The following ZDHHC19 variants were observed in gnomAD, a reference collection of about 807,000 sequenced individuals.
ZDHHC19 encodes the protein palmitoyltransferase ZDHHC19.
Under a neutral mutation model 33.9 loss-of-function variants are expected in ZDHHC19, and 30 were observed. The observed-to-expected ratio is 0.88, with a 90% CI of 0.66 to 1.20. ZDHHC19 has a LOEUF of 1.20. Among genes scored for constraint, ZDHHC19 ranks in the 50% most tolerant of loss-of-function variants. The pLI is 0.00. For synonymous variants in ZDHHC19, 178 were observed against 167.6 expected, an observed-to-expected ratio of 1.06 and a Z score of -0.48; for missense variants, 364 against 401.1, an observed-to-expected ratio of 0.91 and a Z score of 0.79.
intron 5 of ZDHHC19, among the ~76,000 whole-genome samples, chr3:196,205,894 G>A (rs969872930): frequency 1.3e-5 from 2 of 150,932 alleles, no homozygotes; most frequent in African/African-American, 4.9e-5. Context: ...TCCTGACCTG[G>A]CCTCAAGTGA....
At chr3:196,200,573 C>G (rs953035116) in intron 5 of ZDHHC19, among the ~76,000 whole-genome samples, 1 of 150,248 alleles carries the variant, frequency 6.7e-6, no homozygotes, top group Non-Finnish European at 1.5e-5. Flanking sequence ...CCAGGATGGT[C>G]TCGATCTCCT....
At position 196,211,340 on chromosome 3, in the gene ZDHHC19, G is replaced by T. The variant is rs1184364985; in HGVS notation, c.-25C>A. On this transcript the variant is annotated 5_prime_UTR_variant, in exon 1 of 8. Transcript: ENST00000296326. Reference sequence around the variant, plus strand: ...TGGCTGGGCCTCCTTCGCCTCCAGGGGAGGTCAGAGCCACCAGGCTTCCTC... The same window carrying T: ...TGGCTGGGCCTCCTTCGCCTCCAGGTGAGGTCAGAGCCACCAGGCTTCCTC... 1 of 1,583,886 alleles carries T rather than the reference G, an allele frequency of 6.3e-7. No individual in the cohort carries two copies. Among genetic ancestry groups the T allele is most frequent in the East Asian group, 2.2e-5 (1 of 44,648 alleles).
In ZDHHC19 at chr3:196,208,453, C is replaced by T. The variant is rs1406964887; in HGVS notation, c.516G>A (p.Leu172=). The change falls in exon 4 of 8, where the codon CTG becomes CTA. Residue 172 remains leucine, a synonymous_variant. Coordinates refer to ENST00000296326, the MANE Select transcript of ZDHHC19 (RefSeq NM_001039617.2). ...LSLCLYSGAM[L]VTCLIFLVRT... ...GCACCAGGAAGATGAGACAGGTGACCAGCATGGCGCCCGAGTAGAGGCACA... is the reference window on the plus strand; with the variant it reads ...GCACCAGGAAGATGAGACAGGTGACTAGCATGGCGCCCGAGTAGAGGCACA... 1 of 1,614,066 alleles carries T rather than the reference C, an allele frequency of 6.2e-7. No homozygotes were observed. The highest frequency in any genetic ancestry group is 1.3e-5 in the African/African-American group (1 of 74,938).
intron 5 of ZDHHC19, among the ~76,000 whole-genome samples, chr3:196,205,216 C>T (rs901371908): frequency 1.4e-4 from 21 of 152,260 alleles, no homozygotes; most frequent in African/African-American, 5.1e-4. Context: ...TTTATAGCAG[C>T]TTTATTTATT....
intron 5 of ZDHHC19, 152 bp from the exon 6 acceptor site, chr3:196,199,026 C>T: frequency 1.5e-6 from 1 of 654,828 alleles, no homozygotes. Context: ...ACCTCCCCAC[C>T]ACTGCCCCAT....
At chr3:196,205,775 C>T (rs1722681711) in intron 5 of ZDHHC19, among the ~76,000 whole-genome samples, 1 of 152,170 alleles carries the variant, frequency 6.6e-6, no homozygotes, top group Non-Finnish European at 1.5e-5. Flanking sequence ...GATTCTCTGC[C>T]TCAGCCTCCA....
intron 6 of ZDHHC19, 162 bp from the exon 7 acceptor site, chr3:196,198,613 A>C: frequency 6.5e-7 from 1 of 1,547,982 alleles, no homozygotes; most frequent in Admixed American, 2.0e-5. Flanking sequence ...GTGGGGCAGG[A>C]ACACACAGAG....
At chr3:196,205,910 C>A (rs1205295073) in intron 5 of ZDHHC19, among the ~76,000 whole-genome samples, 2 of 151,528 alleles carry the variant, frequency 1.3e-5, no homozygotes, top group Non-Finnish European at 2.9e-5. Context: ...AGTGATCCAC[C>A]CACCTCGGCC....
chr3:196,200,888 G>A (rs889333311), intron 5 of ZDHHC19, among the ~76,000 whole-genome samples: 8 of 151,474 alleles, frequency 5.3e-5, no homozygotes, highest in African/African-American at 1.2e-4. Flanking sequence ...GGCCTCAAGC[G>A]ATCTTCCCAC....
In ZDHHC19 at chr3:196,198,231, C is replaced by G. The variant is rs570931029; in HGVS notation, c.*19+45G>C. On this transcript the variant is annotated intron_variant, in intron 7 of 7. Coordinates refer to ENST00000296326, the MANE Select transcript of ZDHHC19 (RefSeq NM_001039617.2). ...ACACCCTCACAACCTGCAGACACCC[C>G]CCTCCCGACACGCACAGACACCCAC... 3 of 1,430,458 alleles carry G rather than the reference C, an allele frequency of 2.1e-6. No individual in the cohort carries two copies. In the South Asian group the frequency reaches 5.2e-5, roughly 25 times the overall value. 88.6% of individuals were successfully genotyped at this position (1,430,458 alleles called of 1,614,324 possible). A position where few individuals can be genotyped will look rare whatever the true frequency, so the allele number is the denominator to read the frequency against.
intron 5 of ZDHHC19, among the ~76,000 whole-genome samples, chr3:196,199,844 C>G (rs961771204): frequency 6.6e-6 from 1 of 151,764 alleles, no homozygotes; most frequent in Non-Finnish European, 1.5e-5. Context: ...ACTCGGGAGG[C>G]TGAGACAGAA....
intron 5 of ZDHHC19, among the ~76,000 whole-genome samples, chr3:196,201,128 A>G (rs1282112542): frequency 4.6e-5 from 7 of 151,700 alleles, no homozygotes; most frequent in East Asian, 1.9e-4. Flanking sequence ...GCTGGAGTGC[A>G]GTGGCACGAT....
intron 5 of ZDHHC19, 46 bp downstream of exon 5, chr3:196,207,352 G>T (rs1216492788): frequency 6.7e-7 from 1 of 1,502,036 alleles, no homozygotes. Context: ...CGCGGGAAGC[G>T]CGGAGGTCCC....
chr3:196,201,892 C>G (rs571123644), intron 5 of ZDHHC19, among the ~76,000 whole-genome samples: 2 of 152,190 alleles, frequency 1.3e-5, no homozygotes, highest in African/African-American at 2.4e-5. Flanking sequence ...CCCAACCCCC[C>G]TCTCCCCATT....
At chr3:196,200,551 T>A (rs1362567142) in intron 5 of ZDHHC19, among the ~76,000 whole-genome samples, 1 of 149,690 alleles carries the variant, frequency 6.7e-6, no homozygotes, top group Non-Finnish European at 1.5e-5. Flanking sequence ...AGACGGGGTT[T>A]CACCGTGTTA....
rs1319149078 is a variant in ZDHHC19, at chr3:196,208,463, C to T, written c.506G>A (p.Gly169Asp). The T allele has an allele frequency of 6.2e-7, 1 of 1,614,160 alleles. No individual in the cohort carries two copies. Among genetic ancestry groups the T allele is most frequent in the South Asian group, 1.1e-5 (1 of 91,088 alleles). Residue 169 changes from glycine (G) to aspartate (D), a missense_variant, in exon 4 of 8, where the codon GGC becomes GAC. Gly to Asp is a moderately conservative substitution (Grantham distance 94). Coordinates refer to ENST00000296326, the MANE Select transcript of ZDHHC19 (RefSeq NM_001039617.2). The part of the protein sequence containing the change: ...LLVLSLCLYS[G>D]AMLVTCLIFL... ...GATGAGACAGGTGACCAGCATGGCG[C>T]CCGAGTAGAGGCACAGGGACAGGAC...
chr3:196,208,322 C>A, intron 4 of ZDHHC19, 66 bp downstream of exon 4: 1 of 1,525,314 alleles, frequency 6.6e-7, no homozygotes, highest in South Asian at 1.2e-5. Flanking sequence ...CCCATAGCCC[C>A]GCCCTCTGCA....
chr3:196,208,803 G>T, intron 3 of ZDHHC19: 1 of 520,026 alleles, frequency 1.9e-6, no homozygotes, highest in South Asian at 2.5e-5. Context: ...GAGAAGACTG[G>T]CCTGGCCTTC....
At chr3:196,207,305 G>C (rs1722814170) in intron 5 of ZDHHC19, 93 bp downstream of exon 5, 8 of 1,120,654 alleles carry the variant, frequency 7.1e-6, no homozygotes, top group Non-Finnish European at 8.9e-6. Flanking sequence ...ATCGCGGGTG[G>C]GGGTCAGGCT....
Sources: allele counts gnomAD v4.1 joint callset (sites outside exome capture counted in the v4.1 genomes callset), GRCh38; gene constraint gnomAD v4.1.1; transcripts MANE v1.5; gene names NCBI Gene and HGNC (gene_info 2026-07-23, HGNC 2026-07-21).